RIMS2: variants seen among roughly 807,000 people sequenced by gnomAD.
RIMS2 encodes regulating synaptic membrane exocytosis protein 2.
In RIMS2, 59 loss-of-function variants were observed where a neutral mutation model predicts 174.4. The ratio of observed to expected loss-of-function variants is 0.34; its 90% CI spans 0.27 to 0.42. The LOEUF (loss-of-function observed/expected upper bound fraction) is 0.42. Ranked by LOEUF, RIMS2 falls within the 10% of genes least tolerant of loss-of-function variation. RIMS2 has a pLI of 1.00. For synonymous variants in RIMS2, 606 were observed against 572.5 expected, an observed-to-expected ratio of 1.06 and a Z score of -0.84; for missense variants, 1,620 against 1,666.3, an observed-to-expected ratio of 0.97 and a Z score of 0.48.
rs11354049 is a variant in RIMS2, at chr8:103,789,749, C to CTTTTTTTT, written c.698+23227_698+23234dup. On this transcript the variant is annotated intron_variant, in intron 3 of 23. Coordinates refer to ENST00000504942, the Ensembl canonical transcript of RIMS2. Reference sequence around the variant, plus strand: ...AACATATATTATGATGGATTGTACTCTTTTTTTTTTTTTTTTTTTTTTGAG... The same window carrying CTTTTTTTT: ...AACATATATTATGATGGATTGTACTCTTTTTTTTTTTTTTTTTTTTTTTTTTTTTTGAG... Among the ~76,000 whole-genome samples the CTTTTTTTT allele has an allele frequency of 9.0e-3, 766 of 85,098 alleles. 36 individuals carry two copies. Among genetic ancestry groups the CTTTTTTTT allele is most frequent in the African/African-American group, 0.018 (375 of 21,076 alleles). The allele number at this position is 85,098 out of a possible 152,430, so 55.8% of individuals were successfully genotyped here.
chr8:103,512,008 G>A (rs113680656), intron 1 of RIMS2, among the ~76,000 whole-genome samples: 136 of 152,288 alleles, frequency 8.9e-4, no homozygotes, highest in African/African-American at 3.2e-3. Context: ...GGTGGGACTT[G>A]CAGAGAAGCT....
At chr8:103,569,527 A>AT (rs1481305581) in intron 1 of RIMS2, among the ~76,000 whole-genome samples, 3 of 151,800 alleles carry the variant, frequency 2.0e-5, no homozygotes, top group East Asian at 3.9e-4. Context: ...ATCTTCTTTA[A>AT]TTTTTTCCCA....
At chr8:103,553,637 T>C (rs1849068153) in intron 1 of RIMS2, among the ~76,000 whole-genome samples, 1 of 152,086 alleles carries the variant, frequency 6.6e-6, no homozygotes, top group African/African-American at 2.4e-5. Flanking sequence ...CAAAGCAATT[T>C]ACAGATTCAG....
intron 3 of RIMS2, among the ~76,000 whole-genome samples, chr8:103,787,401 A>C (rs1478263356): frequency 1.3e-5 from 2 of 151,112 alleles, no homozygotes; most frequent in African/African-American, 4.9e-5. Context: ...ATTTTGCAGC[A>C]GCTGGTACCG....
intron 1 of RIMS2, among the ~76,000 whole-genome samples, chr8:103,633,918 CTT>C (rs941583864): frequency 2.6e-5 from 4 of 152,070 alleles, no homozygotes; most frequent in Admixed American, 1.3e-4. Flanking sequence ...TGGATGTTCT[CTT>C]TTCTTTATTA....
At chr8:104,086,002 A>T (rs901179151) in intron 19 of RIMS2, among the ~76,000 whole-genome samples, 2 of 152,222 alleles carry the variant, frequency 1.3e-5, no homozygotes, top group Non-Finnish European at 2.9e-5. Flanking sequence ...TAGACAATGG[A>T]TTATATGATC....
chr8:104,109,529 G>A (rs926938035), intron 19 of RIMS2, among the ~76,000 whole-genome samples: 2 of 151,824 alleles, frequency 1.3e-5, no homozygotes, highest in Non-Finnish European at 2.9e-5. Flanking sequence ...ACTCAACGCA[G>A]TAATGCCCTC....
At chr8:103,700,299 T>C (rs2137435846) in intron 2 of RIMS2, among the ~76,000 whole-genome samples, 1 of 152,212 alleles carries the variant, frequency 6.6e-6, no homozygotes, top group East Asian at 1.9e-4. Flanking sequence ...TTAACAGGCC[T>C]CTTTATCATT....
chr8:104,134,781 G>C (rs1206501104), intron 19 of RIMS2, among the ~76,000 whole-genome samples: 1 of 152,154 alleles, frequency 6.6e-6, no homozygotes, highest in Non-Finnish European at 1.5e-5. Context: ...GTAAACTGCT[G>C]ATTTCTTTGG....
At chr8:103,668,259 G>A (rs1011307441) in intron 1 of RIMS2, among the ~76,000 whole-genome samples, 4 of 152,126 alleles carry the variant, frequency 2.6e-5, no homozygotes, top group African/African-American at 4.8e-5. Context: ...TTTGCTTAAT[G>A]TTACTGTATT....
rs1304638544 is a variant in RIMS2 at position 103,961,149 on chromosome 8, T to C, written c.2770+16T>C. On this transcript the variant is annotated intron_variant, in intron 15 of 23. Coordinates refer to ENST00000504942, the Ensembl canonical transcript of RIMS2. The stretch of plus-strand genomic sequence containing the variant: ...GTAGTATCAGGTAAGAATTTTAGAA[T>C]TATTTTATAGTATTAAAAAGGGAGT... The C allele has an allele frequency of 3.5e-6, 4 of 1,138,458 alleles. No individual in the cohort carries two copies. Among genetic ancestry groups the C allele is most frequent in the Non-Finnish European group, 4.0e-6 (3 of 749,632 alleles). 70.5% of individuals were successfully genotyped at this position (1,138,458 alleles called of 1,614,324 possible). A position where few individuals can be genotyped will look rare whatever the true frequency, so the allele number is the denominator to read the frequency against.
At chr8:103,517,944 A>T (rs1586644051) in intron 1 of RIMS2, among the ~76,000 whole-genome samples, 1 of 151,908 alleles carries the variant, frequency 6.6e-6, no homozygotes, top group East Asian at 1.9e-4. Flanking sequence ...TTGCAAAAAA[A>T]TCTCATCATA....
intron 1 of RIMS2, among the ~76,000 whole-genome samples, chr8:103,557,957 G>C (rs2090812949): frequency 6.6e-6 from 1 of 152,098 alleles, no homozygotes; most frequent in South Asian, 2.1e-4. Context: ...CCAACTATGG[G>C]TAAAATTAAA....
intron 19 of RIMS2, among the ~76,000 whole-genome samples, chr8:104,080,762 G>T (rs2097402010): frequency 6.6e-6 from 1 of 151,962 alleles, no homozygotes. Flanking sequence ...TCTTTAGTTG[G>T]AAGGATTACA....
At chr8:104,137,324 C>G (rs1050679036) in intron 19 of RIMS2, among the ~76,000 whole-genome samples, 3 of 152,112 alleles carry the variant, frequency 2.0e-5, no homozygotes, top group African/African-American at 7.2e-5. Context: ...ATATTCTAGA[C>G]ATTGTGCTAA....
In RIMS2 at chr8:104,223,240, C is replaced by G. The variant is rs377105651; in HGVS notation, c.3335-21676C>G. 4.2e-4 allele frequency: 144 copies of G among 343,504 alleles called. 1 individual carries two copies. The East Asian group carries it at 5.6e-3, about 13-fold the overall frequency. 21.3% of individuals were successfully genotyped at this position (343,504 alleles called of 1,614,324 possible). ...GCGCGCCCCGGAGCCACCAGCCCACCGAGGTGCAGCCGCGCCGCCACCTCC... is the reference window on the plus strand; with the variant it reads ...GCGCGCCCCGGAGCCACCAGCCCACGGAGGTGCAGCCGCGCCGCCACCTCC... On this transcript the variant is annotated intron_variant, in intron 19 of 23. Coordinates refer to ENST00000504942, the Ensembl canonical transcript of RIMS2.
intron 19 of RIMS2, among the ~76,000 whole-genome samples, chr8:104,189,917 C>T (rs2098989109): frequency 6.6e-6 from 1 of 151,952 alleles, no homozygotes; most frequent in Non-Finnish European, 1.5e-5. Flanking sequence ...AATCTTTTCA[C>T]ATCATCTTCA....
At chr8:103,613,953 C>T (rs765402125) in intron 1 of RIMS2, among the ~76,000 whole-genome samples, 1 of 152,164 alleles carries the variant, frequency 6.6e-6, no homozygotes, top group Non-Finnish European at 1.5e-5. Context: ...CTCTCTCTGC[C>T]TGTTAAGCAT....
At chr8:103,973,062 TTG>T (rs1304142144) in intron 15 of RIMS2, among the ~76,000 whole-genome samples, 2 of 152,226 alleles carry the variant, frequency 1.3e-5, no homozygotes, top group African/African-American at 4.8e-5. Flanking sequence ...GTTCTAAGTT[TTG>T]TAAGAACAAT....
Sources: allele counts gnomAD v4.1 joint callset (sites outside exome capture counted in the v4.1 genomes callset), GRCh38; gene constraint gnomAD v4.1.1; transcripts MANE v1.5; gene names NCBI Gene and HGNC (gene_info 2026-07-23, HGNC 2026-07-21).